Variants in KCTD8 observed in about 807,000 individuals in gnomAD.
KCTD8 encodes the protein BTB/POZ domain-containing protein KCTD8.
Under a neutral mutation model 31.5 loss-of-function variants are expected in KCTD8, and 27 were observed. The ratio of observed to expected loss-of-function variants is 0.86; its 90% CI spans 0.63 to 1.18. The LOEUF is 1.18. Ranked by LOEUF, KCTD8 falls within the 50% of genes most tolerant of loss-of-function variation. The probability of loss-of-function intolerance (pLI) is 0.00; values close to 1 mark genes in which losing one functional copy is unlikely to be tolerated. For synonymous variants in KCTD8, 290 were observed against 280.0 expected (o/e 1.04, Z -0.36); for missense variants, 658 against 647.7 (o/e 1.02, Z -0.17).
intron 1 of KCTD8, among the ~76,000 whole-genome samples, chr4:44,240,703 C>G (rs972821735): frequency 6.6e-6 from 1 of 152,126 alleles, no homozygotes; most frequent in African/African-American, 2.4e-5. Context: ...TGACAGGAAT[C>G]AAGTATCTTC....
At chr4:44,234,290 T>A (rs1001608119) in intron 1 of KCTD8, among the ~76,000 whole-genome samples, 1 of 152,146 alleles carries the variant, frequency 6.6e-6, no homozygotes, top group South Asian at 2.1e-4. Context: ...TGTTTGGTTA[T>A]GGGCATCTAT....
chr4:44,220,406 A>G (rs1714773857), intron 1 of KCTD8, among the ~76,000 whole-genome samples: 1 of 152,222 alleles, frequency 6.6e-6, no homozygotes, highest in African/African-American at 2.4e-5. Flanking sequence ...GTTCACCAAT[A>G]TTTGATGAGG....
chr4:44,310,332 A>G (rs1015937072), intron 1 of KCTD8, among the ~76,000 whole-genome samples: 3 of 152,112 alleles, frequency 2.0e-5, no homozygotes, highest in African/African-American at 7.2e-5. Context: ...AGAAACACTA[A>G]GTATAATTAA....
rs112914044 is a variant in KCTD8 at position 44,289,959 on chromosome 4, A to G, written c.962-114709T>C. On this transcript the variant is annotated intron_variant, in intron 1 of 1. Transcript: ENST00000360029. ...TATGATAACAATATCAAAATCTCAC[A>G]TATCAGTACTAACCCTGAAAGTAAA... Among the ~76,000 whole-genome samples the G allele has an allele frequency of 8.0e-3, 1,217 of 152,278 alleles. 29 individuals are homozygous for G. The highest frequency in any genetic ancestry group is 0.052 in the Admixed American group (789 of 15,284).
intron 1 of KCTD8, among the ~76,000 whole-genome samples, chr4:44,269,077 T>C (rs1389825892): frequency 6.6e-6 from 1 of 151,912 alleles, no homozygotes; most frequent in Non-Finnish European, 1.5e-5. Flanking sequence ...GAGCCCTCAT[T>C]GCCAAGTCAA....
intron 1 of KCTD8, among the ~76,000 whole-genome samples, chr4:44,264,738 C>T (rs192559120): frequency 0.013 from 1,950 of 152,234 alleles, 22 homozygotes; most frequent in African/African-American, 0.032. Context: ...GATTATATCC[C>T]GCACATGGCT....
intron 1 of KCTD8, among the ~76,000 whole-genome samples, chr4:44,303,462 C>G (rs553962152): frequency 2.8e-5 from 4 of 141,394 alleles, no homozygotes; most frequent in Non-Finnish European, 6.5e-5. Flanking sequence ...GTGTATGTGT[C>G]GAGGAATTTA....
intron 1 of KCTD8, among the ~76,000 whole-genome samples, chr4:44,294,285 C>T (rs1717366781): frequency 1.3e-5 from 2 of 152,066 alleles, no homozygotes; most frequent in African/African-American, 4.8e-5. Flanking sequence ...CACTTAGAAA[C>T]GTAAAAGATT....
intron 1 of KCTD8, among the ~76,000 whole-genome samples, chr4:44,301,186 T>A (rs1444923125): frequency 2.0e-5 from 3 of 152,202 alleles, no homozygotes; most frequent in Non-Finnish European, 4.4e-5. Context: ...TATGTGTGCA[T>A]GTGTCTTTAT....
chr4:44,252,301 C>T (rs763655773), intron 1 of KCTD8, among the ~76,000 whole-genome samples: 17 of 151,734 alleles, frequency 1.1e-4, no homozygotes, highest in Non-Finnish European at 1.8e-4. Context: ...TTTGCAATCA[C>T]AAATTGTGCT....
intron 1 of KCTD8, among the ~76,000 whole-genome samples, chr4:44,387,772 C>A (rs1720261400): frequency 6.6e-6 from 1 of 151,728 alleles, no homozygotes; most frequent in Non-Finnish European, 1.5e-5. Flanking sequence ...TCCTGGAAGA[C>A]ATCCTAGGCA....
Position 44,347,895 on chromosome 4 carries a change from G to A in KCTD8, c.961+99668C>T, listed in dbSNP as rs529994730. On this transcript the variant is annotated intron_variant, in intron 1 of 1. Transcript: ENST00000360029. ...TTAGATACATTTATAGGGAAAAAAT[G>A]TCATTATTATCCCTGTAGGGCATAA... Among the ~76,000 whole-genome samples, 65 of 152,208 alleles carry A rather than the reference G, an allele frequency of 4.3e-4. 1 individual carries two copies. The highest frequency in any genetic ancestry group is 4.2e-3 in the Admixed American group (64 of 15,262).
intron 1 of KCTD8, among the ~76,000 whole-genome samples, chr4:44,306,166 A>C (rs996682770): frequency 2.0e-5 from 3 of 152,012 alleles, no homozygotes; most frequent in African/African-American, 4.8e-5. Context: ...TGAAATAATA[A>C]ATGTAAAAAC....
intron 1 of KCTD8, among the ~76,000 whole-genome samples, chr4:44,320,624 A>G (rs1035796504): frequency 6.6e-6 from 1 of 152,206 alleles, no homozygotes; most frequent in Non-Finnish European, 1.5e-5. Context: ...AAGCATAAGT[A>G]AAACCTAAGA....
chr4:44,445,427 A>G (rs1721915277), intron 1 of KCTD8, among the ~76,000 whole-genome samples: 1 of 152,210 alleles, frequency 6.6e-6, no homozygotes, highest in African/African-American at 2.4e-5. Context: ...GTCATTAATA[A>G]TATGAGTACT....
At chr4:44,212,457 T>C (rs943886116) in intron 1 of KCTD8, among the ~76,000 whole-genome samples, 1 of 152,114 alleles carries the variant, frequency 6.6e-6, no homozygotes, top group East Asian at 1.9e-4. Flanking sequence ...AGTTCCATAG[T>C]TTGTCCTATG....
intron 1 of KCTD8, among the ~76,000 whole-genome samples, chr4:44,321,768 T>C (rs1432009271): frequency 3.3e-5 from 5 of 152,146 alleles, no homozygotes; most frequent in Admixed American, 2.6e-4. Context: ...CTCCTTTCCT[T>C]TGTAGCCTCT....
intron 1 of KCTD8, among the ~76,000 whole-genome samples, chr4:44,320,276 C>T (rs1455215870): frequency 6.7e-6 from 1 of 149,604 alleles, no homozygotes; most frequent in East Asian, 2.0e-4. Context: ...TCCCTTCCTA[C>T]ACTATCTATG....
At chr4:44,413,092 G>T (rs950651589) in intron 1 of KCTD8, among the ~76,000 whole-genome samples, 2 of 152,194 alleles carry the variant, frequency 1.3e-5, no homozygotes. Flanking sequence ...ATGTTTTGCT[G>T]TTTAATAGAG....
Sources: gnomAD v4.1 joint callset for allele counts (sites outside exome capture counted in the v4.1 genomes callset) on GRCh38, gnomAD v4.1.1 for gene constraint, MANE v1.5 for transcripts, NCBI Gene and HGNC (gene_info 2026-07-23, HGNC 2026-07-21) for gene names.